SPAG16: variants seen among roughly 807,000 people sequenced by gnomAD.
SPAG16 encodes sperm-associated antigen 16 protein.
A neutral mutation model predicts 80.4 loss-of-function variants in SPAG16; 86 were observed. The ratio of observed to expected loss-of-function variants is 1.07; its 90% CI spans 0.90 to 1.28. The LOEUF (loss-of-function observed/expected upper bound fraction) is 1.28. SPAG16 is among the 50% of genes most tolerant of loss of function. The pLI is 0.00. For missense variants in SPAG16, 870 were observed against 765.3 expected, an observed-to-expected ratio of 1.14 and a Z score of -1.61; for synonymous variants, 294 against 265.9, an observed-to-expected ratio of 1.11 and a Z score of -1.03.
chr2:214,180,289 T>C (rs570753194), intron 15 of SPAG16, among the ~76,000 whole-genome samples: 2 of 151,692 alleles, frequency 1.3e-5, no homozygotes, highest in African/African-American at 4.8e-5. Flanking sequence ...TCATGGTATT[T>C]AGGGAATTTG....
chr2:213,643,368 A>G (rs2062686433), intron 10 of SPAG16, among the ~76,000 whole-genome samples: 2 of 37,200 alleles, frequency 5.4e-5, no homozygotes, highest in Non-Finnish European at 4.9e-5. Context: ...ATATATATAT[A>G]TATATATATA....
chr2:214,302,147 T>G (rs931422931), intron 15 of SPAG16, among the ~76,000 whole-genome samples: 3 of 152,228 alleles, frequency 2.0e-5, no homozygotes, highest in Admixed American at 2.0e-4. Context: ...CAGAAGATAC[T>G]TGATGTTATT....
chr2:213,483,798 A>G (rs1210497630), intron 9 of SPAG16, among the ~76,000 whole-genome samples: 1 of 152,228 alleles, frequency 6.6e-6, no homozygotes, highest in Non-Finnish European at 1.5e-5. Context: ...CACTTACTTA[A>G]CTTTAGAAGC....
chr2:213,979,029 T>C (rs1353448126), intron 12 of SPAG16, among the ~76,000 whole-genome samples: 3 of 151,932 alleles, frequency 2.0e-5, no homozygotes, highest in African/African-American at 7.2e-5. Context: ...CGGAAAATAA[T>C]ATCTCTTATA....
intron 1 of SPAG16, among the ~76,000 whole-genome samples, chr2:213,286,230 ACCG>A (rs1014723984): frequency 1.7e-4 from 26 of 152,238 alleles, no homozygotes; most frequent in African/African-American, 5.3e-4. Flanking sequence ...GATTTTACTA[ACCG>A]TTGTGTGAAT....
intron 13 of SPAG16, among the ~76,000 whole-genome samples, chr2:214,063,559 G>A (rs190608109): frequency 1.3e-5 from 2 of 152,168 alleles, no homozygotes; most frequent in Admixed American, 1.3e-4. Context: ...ATTCATGAAG[G>A]CTCCACCCTT....
intron 12 of SPAG16, among the ~76,000 whole-genome samples, chr2:213,964,525 T>TC (rs2044609961): frequency 6.6e-6 from 1 of 152,210 alleles, no homozygotes; most frequent in African/African-American, 2.4e-5. Flanking sequence ...TTCTTTTTTT[T>TC]CTGTCAGCAC....
At chr2:213,878,305 T>C (rs1232714833) in intron 11 of SPAG16, among the ~76,000 whole-genome samples, 1 of 152,120 alleles carries the variant, frequency 6.6e-6, no homozygotes, top group Non-Finnish European at 1.5e-5. Flanking sequence ...CAATAGTGTA[T>C]AAGCATTTCT....
intron 15 of SPAG16, among the ~76,000 whole-genome samples, chr2:214,392,468 C>T (rs1033801993): frequency 6.6e-6 from 1 of 152,076 alleles, no homozygotes. Flanking sequence ...GAATCTTATC[C>T]CTGTACTCAC....
chr2:213,548,860 A>G (rs1016643165), intron 10 of SPAG16, among the ~76,000 whole-genome samples: 4 of 152,072 alleles, frequency 2.6e-5, no homozygotes, highest in African/African-American at 9.7e-5. Flanking sequence ...TTTTCATGCA[A>G]ACTTTTGAAG....
intron 13 of SPAG16, among the ~76,000 whole-genome samples, chr2:214,099,065 T>A (rs2052805311): frequency 6.6e-6 from 1 of 152,134 alleles, no homozygotes; most frequent in Non-Finnish European, 1.5e-5. Context: ...TTACTTGTCA[T>A]TGATTAATTA....
At chr2:214,345,099 AGT>A (rs1697971469) in intron 15 of SPAG16, among the ~76,000 whole-genome samples, 1 of 152,208 alleles carries the variant, frequency 6.6e-6, no homozygotes, top group Non-Finnish European at 1.5e-5. Context: ...GAAATAGGTC[AGT>A]AGTCTTATTT....
chr2:214,214,189 T>C (rs2058370981), intron 15 of SPAG16, among the ~76,000 whole-genome samples: 1 of 151,160 alleles, frequency 6.6e-6, no homozygotes, highest in Non-Finnish European at 1.5e-5. Flanking sequence ...TTTTTACTTT[T>C]TTTTTTTTTG....
At chr2:213,948,069 A>G (rs1320249424) in intron 12 of SPAG16, among the ~76,000 whole-genome samples, 1 of 152,040 alleles carries the variant, frequency 6.6e-6, no homozygotes, top group Non-Finnish European at 1.5e-5. Flanking sequence ...TATCTAATTT[A>G]TTCCTGTTAT....
At chr2:214,312,505 G>A (rs1405719087) in intron 15 of SPAG16, among the ~76,000 whole-genome samples, 1 of 152,104 alleles carries the variant, frequency 6.6e-6, no homozygotes, top group East Asian at 1.9e-4. Flanking sequence ...AGGGTTCTTG[G>A]TATATTATTT....
intron 11 of SPAG16, among the ~76,000 whole-genome samples, chr2:213,903,816 C>T (rs960267780): frequency 6.6e-6 from 1 of 152,188 alleles, no homozygotes; most frequent in Non-Finnish European, 1.5e-5. Flanking sequence ...ACCCAAGTCA[C>T]CTGCTGAATG....
chr2:213,358,269 T>TGTTCTC (rs1309252794), intron 7 of SPAG16, among the ~76,000 whole-genome samples: 1 of 152,114 alleles, frequency 6.6e-6, no homozygotes, highest in African/African-American at 2.4e-5. Context: ...ACCTTTATGG[T>TGTTCTC]GTTCTCTGTA....
intron 6 of SPAG16, among the ~76,000 whole-genome samples, chr2:213,348,665 G>T (rs1295774712): frequency 2.0e-5 from 3 of 152,096 alleles, no homozygotes; most frequent in Non-Finnish European, 4.4e-5. Flanking sequence ...ATGAAATTCT[G>T]GGTTGAAAAT....
intron 10 of SPAG16, among the ~76,000 whole-genome samples, chr2:213,575,355 T>C (rs1186159168): frequency 6.6e-6 from 1 of 152,204 alleles, no homozygotes; most frequent in Non-Finnish European, 1.5e-5. Context: ...CATAATTATG[T>C]TGATACTTTG....
Sources: allele counts gnomAD v4.1 joint callset (sites outside exome capture counted in the v4.1 genomes callset), GRCh38; gene constraint gnomAD v4.1.1; transcripts MANE v1.5; gene names NCBI Gene and HGNC (gene_info 2026-07-23, HGNC 2026-07-21).